CNTN6: variants seen among roughly 807,000 people sequenced by gnomAD.
CNTN6 encodes contactin 6.
In CNTN6, 137 loss-of-function variants were observed where a neutral mutation model predicts 122.8. The ratio of observed to expected loss-of-function variants is 1.12; its 90% confidence interval spans 0.97 to 1.29. CNTN6 has a LOEUF of 1.29. CNTN6 is among the 50% of genes most tolerant of loss of function. The pLI is 0.00. For synonymous variants in CNTN6, 570 were observed against 426.0 expected, an observed-to-expected ratio of 1.34 and a Z score of -4.16; for missense variants, 1,634 against 1,223.4, an observed-to-expected ratio of 1.34 and a Z score of -5.01.
At chr3:1,316,564 T>C (rs1700125534) in intron 7 of CNTN6, among the ~76,000 whole-genome samples, 1 of 151,814 alleles carries the variant, frequency 6.6e-6, no homozygotes, top group African/African-American at 2.4e-5. Context: ...CCTTCAATAC[T>C]GGGGATTACA....
At chr3:1,254,105 G>A (rs116261724) in intron 4 of CNTN6, among the ~76,000 whole-genome samples, 2,644 of 152,138 alleles carry the variant, frequency 0.017, 86 homozygotes, top group African/African-American at 0.06. Context: ...TTATTTAAAT[G>A]TGTGTTAATG....
chr3:1,267,290 T>C (rs1444559617), intron 4 of CNTN6, among the ~76,000 whole-genome samples: 1 of 152,148 alleles, frequency 6.6e-6, no homozygotes, highest in African/African-American at 2.4e-5. Context: ...CCTGAATAGC[T>C]GAAAATGAAT....
At chr3:1,332,027 C>T (rs368131158) in intron 11 of CNTN6, among the ~76,000 whole-genome samples, 153 of 152,058 alleles carry the variant, frequency 1.0e-3, no homozygotes, top group South Asian at 2.1e-3. Context: ...GGAATGAACC[C>T]TGTGAGTTCT....
intron 1 of CNTN6, among the ~76,000 whole-genome samples, chr3:1,135,120 T>G (rs1035634649): frequency 3.3e-5 from 5 of 152,218 alleles, no homozygotes; most frequent in Admixed American, 1.3e-4. Flanking sequence ...TTCTGCAATT[T>G]CTAAAAGCCA....
rs1406859975 is a variant in CNTN6, at chr3:1,402,382, A to G, written c.2882A>G (p.Glu961Gly). ...HILETNNTSA[E>G]LLVPFEEDYL... is the part of the protein sequence containing the mutation. ...TTGGAAACAAACAATACATCAGCTG[A>G]GCTTCTGGTTCCATTTGAAGAAGAC... The change falls in exon 22 of 23, where the codon GAG becomes GGG. Residue 961 changes from glutamate (E) to glycine (G), a missense_variant. Glu to Gly is a moderately conservative substitution (Grantham distance 98). Transcript: ENST00000446702. 2 of 1,612,480 alleles carry G rather than the reference A, an allele frequency of 1.2e-6. No homozygotes were observed. Among genetic ancestry groups the G allele is most frequent in the East Asian group, 4.5e-5 (2 of 44,844 alleles).
At chr3:1,395,897 G>T (rs1045931922) in intron 20 of CNTN6, among the ~76,000 whole-genome samples, 3 of 152,102 alleles carry the variant, frequency 2.0e-5, no homozygotes, top group Non-Finnish European at 2.9e-5. Context: ...GCTTAGAAAG[G>T]TTTTGTCATG....
At chr3:1,386,706 C>T (rs1281653092) in intron 20 of CNTN6, among the ~76,000 whole-genome samples, 2 of 151,848 alleles carry the variant, frequency 1.3e-5, no homozygotes, top group Non-Finnish European at 2.9e-5. Context: ...CATTTTTTTG[C>T]TCTCTGAATC....
chr3:1,123,373 C>T lies in CNTN6; in HGVS notation c.-82-24554C>T, dbSNP rs9813156. ...TACAAGTCTTTCACTTTCTCTGTTA[C>T]ATTTATTCATGGGTATTTTATCCTT... is the stretch of plus-strand genomic sequence containing the variant. On this transcript the variant is annotated intron_variant, in intron 1 of 22. Coordinates refer to ENST00000446702, the MANE Select transcript of CNTN6 (RefSeq NM_001289080.2). Among the ~76,000 whole-genome samples the T allele has an allele frequency of 5.6e-3, 856 of 151,820 alleles. 4 individuals carry two copies. Among genetic ancestry groups the T allele is most frequent in the African/African-American group, 0.019 (803 of 41,462 alleles).
At chr3:1,096,819 G>A (rs1399959325) in intron 1 of CNTN6, among the ~76,000 whole-genome samples, 6 of 152,230 alleles carry the variant, frequency 3.9e-5, no homozygotes, top group South Asian at 4.2e-4. Context: ...GTGGAAATGG[G>A]CTTCAAGTCG....
At chr3:1,182,672 T>A (rs891110157) in intron 2 of CNTN6, among the ~76,000 whole-genome samples, 1 of 152,060 alleles carries the variant, frequency 6.6e-6, no homozygotes, top group African/African-American at 2.4e-5. Context: ...TTATACCATG[T>A]ATCACACATT....
intron 4 of CNTN6, among the ~76,000 whole-genome samples, chr3:1,261,719 C>A (rs950011869): frequency 6.6e-6 from 1 of 152,128 alleles, no homozygotes; most frequent in Non-Finnish European, 1.5e-5. Flanking sequence ...GTGGCTGCTA[C>A]AATCATACTT....
chr3:1,278,687 C>T (rs978848255), intron 5 of CNTN6, among the ~76,000 whole-genome samples, 179 bp downstream of exon 5: 7 of 152,158 alleles, frequency 4.6e-5, no homozygotes, highest in South Asian at 2.1e-4. Context: ...TAAAAATATT[C>T]GTTCAAGCAG....
chr3:1,380,310 G>A (rs920213341), intron 17 of CNTN6, among the ~76,000 whole-genome samples: 2 of 152,020 alleles, frequency 1.3e-5, no homozygotes, highest in Non-Finnish European at 2.9e-5. Flanking sequence ...TATCTTTCCC[G>A]TGTTTTCCCC....
intron 1 of CNTN6, among the ~76,000 whole-genome samples, chr3:1,130,732 A>G (rs1468638240): frequency 6.6e-6 from 1 of 152,250 alleles, no homozygotes; most frequent in South Asian, 2.1e-4. Flanking sequence ...TGAAGACAAC[A>G]ATGTTTGATC....
At chr3:1,349,259 A>G (rs1179979066) in intron 11 of CNTN6, among the ~76,000 whole-genome samples, 1 of 151,902 alleles carries the variant, frequency 6.6e-6, no homozygotes, top group Admixed American at 6.6e-5. Context: ...ATATGTAATC[A>G]TGGTATTACC....
At position 1,372,399 on chromosome 3, in the gene CNTN6, G is replaced by C. The variant is rs1361230106; in HGVS notation, c.1593G>C (p.Val531=). Reference sequence around the variant, plus strand: ...TGTCCCATGACCCCTCCATTGAAGTGGTATTTGTATGGTTTTTCAATGGAG... The same window carrying C: ...TGTCCCATGACCCCTCCATTGAAGTCGTATTTGTATGGTTTTTCAATGGAG... ...CQVSHDPSIE[V]VFVWFFNGDV... The change falls in exon 13 of 23, where the codon GTG becomes GTC. Residue 531 remains valine (V), a synonymous_variant. Transcript: ENST00000446702. 1 of 1,612,888 alleles carries C rather than the reference G, an allele frequency of 6.2e-7. No homozygotes were observed. Among genetic ancestry groups the C allele is most frequent in the Non-Finnish European group, 8.5e-7 (1 of 1,179,402 alleles).
rs1353377628 is a variant in CNTN6, at chr3:1,166,671, GGC to G, written c.55+18609_55+18610del. On this transcript the variant is annotated intron_variant, in intron 2 of 22. Coordinates refer to ENST00000446702, the MANE Select transcript of CNTN6 (RefSeq NM_001289080.2). The stretch of plus-strand genomic sequence containing the variant: ...AGGCTCCGCAATTAAAGACACCTGT[GGC>G]ACATATACACCACAGAATACTATGC... Among the ~76,000 whole-genome samples the G allele has an allele frequency of 3.3e-5, 5 of 152,168 alleles. No individual in the cohort carries two copies. The East Asian group carries it at 5.8e-4, about 18-fold the overall frequency.
At chr3:1,392,081 A>G (rs1241657570) in intron 20 of CNTN6, among the ~76,000 whole-genome samples, 2 of 152,234 alleles carry the variant, frequency 1.3e-5, no homozygotes, top group Non-Finnish European at 2.9e-5. Flanking sequence ...GAACCAAAAA[A>G]GAGCCCGCAT....
intron 7 of CNTN6, among the ~76,000 whole-genome samples, chr3:1,301,490 A>G (rs1181064194): frequency 1.3e-5 from 2 of 152,256 alleles, no homozygotes; most frequent in East Asian, 3.8e-4. Context: ...AAGTTTATGC[A>G]GGAAATAACC....
Sources: allele counts gnomAD v4.1 joint callset (sites outside exome capture counted in the v4.1 genomes callset), GRCh38; gene constraint gnomAD v4.1.1; transcripts MANE v1.5; gene names NCBI Gene and HGNC (gene_info 2026-07-23, HGNC 2026-07-21).